The following IQCJ variants were observed in gnomAD, a reference collection of about 807,000 sequenced individuals.
IQCJ encodes the protein IQ motif containing J, also known as IQ domain-containing protein J.
In IQCJ, 9 loss-of-function variants were observed where a neutral mutation model predicts 11.0. That is an observed-to-expected ratio of 0.82 (90% CI 0.49 to 1.43). The LOEUF is 1.43. Among genes scored for constraint, IQCJ ranks in the 40% most tolerant of loss-of-function variants. IQCJ has a pLI of 0.00. For missense variants in IQCJ, 146 were observed against 133.2 expected, an observed-to-expected ratio of 1.10 and a Z score of -0.47; for synonymous variants, 55 against 51.3, an observed-to-expected ratio of 1.07 and a Z score of -0.31.
intron 1 of IQCJ, among the ~76,000 whole-genome samples, chr3:159,209,308 T>C (rs1724820933): frequency 6.6e-6 from 1 of 152,190 alleles, no homozygotes; most frequent in African/African-American, 2.4e-5. Context: ...CAGCCAGAGA[T>C]GGCTGGGCTT....
chr3:159,145,174 T>C (rs113838490), intron 1 of IQCJ, among the ~76,000 whole-genome samples: 1 of 152,208 alleles, frequency 6.6e-6, no homozygotes, highest in South Asian at 2.1e-4. Context: ...CAGAAAATAG[T>C]AGCTGAATTG....
chr3:159,123,844 A>G (rs1354868808), intron 1 of IQCJ, among the ~76,000 whole-genome samples: 1 of 152,164 alleles, frequency 6.6e-6, no homozygotes, highest in Non-Finnish European at 1.5e-5. Context: ...ACATGGAATT[A>G]GGAACTTCAT....
intron 1 of IQCJ, among the ~76,000 whole-genome samples, chr3:159,106,358 G>C (rs1718262579): frequency 6.6e-6 from 1 of 152,134 alleles, no homozygotes; most frequent in Admixed American, 6.5e-5. Flanking sequence ...TATAAAGATG[G>C]TGCTAAAGCC....
intron 1 of IQCJ, among the ~76,000 whole-genome samples, chr3:159,106,238 T>A (rs185427037): frequency 6.6e-6 from 1 of 152,308 alleles, no homozygotes; most frequent in African/African-American, 2.4e-5. Flanking sequence ...CATGCTTGGT[T>A]TGAGATATCT....
intron 1 of IQCJ, among the ~76,000 whole-genome samples, chr3:159,104,560 T>A (rs895146122): frequency 6.6e-6 from 1 of 152,222 alleles, no homozygotes; most frequent in Non-Finnish European, 1.5e-5. Context: ...TACTGCATAG[T>A]TGCTTTGGAA....
intron 1 of IQCJ, among the ~76,000 whole-genome samples, chr3:159,092,197 T>A (rs905028601): frequency 1.3e-5 from 2 of 151,884 alleles, no homozygotes; most frequent in African/African-American, 4.9e-5. Flanking sequence ...ACCTACATAG[T>A]ACTCTTGGCA....
chr3:159,195,219 A>T (rs1723915502), intron 1 of IQCJ, among the ~76,000 whole-genome samples: 1 of 152,082 alleles, frequency 6.6e-6, no homozygotes, highest in African/African-American at 2.4e-5. Context: ...ATCCAGTCCT[A>T]CATACTGTGC....
At chr3:159,216,401 C>T (rs1320568235) in intron 1 of IQCJ, among the ~76,000 whole-genome samples, 1 of 152,164 alleles carries the variant, frequency 6.6e-6, no homozygotes, top group East Asian at 1.9e-4. Flanking sequence ...GATGCTTCTG[C>T]ATGTAAATTG....
chr3:159,230,967 T>G (rs1726214315), intron 1 of IQCJ, among the ~76,000 whole-genome samples: 1 of 152,172 alleles, frequency 6.6e-6, no homozygotes, highest in South Asian at 2.1e-4. Context: ...AATTCAAACT[T>G]TGTACTACAT....
chr3:159,089,737 T>C lies in IQCJ; in HGVS notation c.9+20296T>C, dbSNP rs372259158. 1.7e-4 allele frequency among the ~76,000 whole-genome samples: 26 copies of C among 151,840 alleles called. 1 individual carries two copies. Among genetic ancestry groups the C allele is most frequent in the Admixed American group, 4.6e-4 (7 of 15,284 alleles). The stretch of plus-strand genomic sequence containing the variant: ...CGGCTCCTGAGGCTTCTGCATTCTT[T>C]ACGTAGTTCTAGAGCCTTGGTTTTC... On this transcript the variant is annotated intron_variant, in intron 1 of 3. Coordinates refer to ENST00000397832, the MANE Select transcript of IQCJ (RefSeq NM_001042706.3).
chr3:159,211,385 C>T (rs1724942462), intron 1 of IQCJ, among the ~76,000 whole-genome samples: 1 of 152,180 alleles, frequency 6.6e-6, no homozygotes, highest in African/African-American at 2.4e-5. Flanking sequence ...ATTAGGGTGA[C>T]TGTATATTCT....
chr3:159,090,143 G>T (rs1490464008), intron 1 of IQCJ, among the ~76,000 whole-genome samples: 1 of 151,720 alleles, frequency 6.6e-6, no homozygotes, highest in African/African-American at 2.4e-5. Flanking sequence ...CTAACAGACA[G>T]GACCCTCAGC....
At chr3:159,073,937 GTGTC>G (rs1262030884) in intron 1 of IQCJ, among the ~76,000 whole-genome samples, 1 of 152,072 alleles carries the variant, frequency 6.6e-6, no homozygotes, top group African/African-American at 2.4e-5. Flanking sequence ...GTTGAAGGTT[GTGTC>G]GGAATTTGTA....
intron 1 of IQCJ, among the ~76,000 whole-genome samples, chr3:159,138,413 G>A (rs1228823686): frequency 6.6e-6 from 1 of 152,128 alleles, no homozygotes; most frequent in Non-Finnish European, 1.5e-5. Flanking sequence ...AAAATTTTGA[G>A]AGACTATGAG....
chr3:159,212,521 C>A (rs1725010515), intron 1 of IQCJ, among the ~76,000 whole-genome samples: 1 of 152,190 alleles, frequency 6.6e-6, no homozygotes, highest in African/African-American at 2.4e-5. Flanking sequence ...AGAACAATTT[C>A]TGGCTCTACT....
intron 1 of IQCJ, among the ~76,000 whole-genome samples, chr3:159,199,791 A>G (rs1724207916): frequency 6.6e-6 from 1 of 151,926 alleles, no homozygotes; most frequent in African/African-American, 2.4e-5. Flanking sequence ...TAGAGTATAA[A>G]TCTCAGTATC....
intron 1 of IQCJ, among the ~76,000 whole-genome samples, chr3:159,130,147 C>T (rs1236731132): frequency 6.6e-6 from 1 of 152,146 alleles, no homozygotes; most frequent in African/African-American, 2.4e-5. Flanking sequence ...TGTATCATTT[C>T]AAGAATGTTA....
intron 1 of IQCJ, among the ~76,000 whole-genome samples, chr3:159,158,150 T>C (rs1416637806): frequency 2.0e-5 from 3 of 152,248 alleles, no homozygotes. Flanking sequence ...CCAGTTTTTC[T>C]GTTATAAAAT....
chr3:159,079,576 A>G (rs1183197785), intron 1 of IQCJ, among the ~76,000 whole-genome samples: 1 of 152,178 alleles, frequency 6.6e-6, no homozygotes, highest in African/African-American at 2.4e-5. Flanking sequence ...CCTTAGAAGC[A>G]TTTCATATTC....
Sources: allele counts gnomAD v4.1 joint callset (sites outside exome capture counted in the v4.1 genomes callset), GRCh38; gene constraint gnomAD v4.1.1; transcripts MANE v1.5; gene names NCBI Gene and HGNC (gene_info 2026-07-23, HGNC 2026-07-21).